AKT3: variants seen among roughly 807,000 people sequenced by gnomAD.
The protein encoded by AKT3 is AKT serine/threonine kinase 3, also known as RAC-gamma serine/threonine-protein kinase.
In AKT3, 15 loss-of-function variants were observed where a neutral mutation model predicts 65.3. The observed-to-expected ratio is 0.23, with a 90% CI of 0.15 to 0.35. The LOEUF is 0.35. AKT3 is among the 10% of genes least tolerant of loss of function. AKT3 has a pLI of 1.00. For synonymous variants in AKT3, 206 were observed against 183.8 expected, an observed-to-expected ratio of 1.12 and a Z score of -0.98; for missense variants, 243 against 576.5, an observed-to-expected ratio of 0.42 and a Z score of 5.92.
chr1:243,497,145 C>G (rs183594885), downstream of AKT3, among the ~76,000 whole-genome samples: 1 of 152,106 alleles, frequency 6.6e-6, no homozygotes, highest in East Asian at 1.9e-4. Context: ...AAATAAGCAT[C>G]GTGGATATCC....
intron 6 of AKT3, among the ~76,000 whole-genome samples, chr1:243,618,055 C>G (rs1678461404): frequency 6.6e-6 from 1 of 152,072 alleles, no homozygotes. Flanking sequence ...AAAAGATATT[C>G]TAGTGCTTTG....
intron 8 of AKT3, among the ~76,000 whole-genome samples, chr1:243,590,072 T>A (rs1027677591): frequency 6.6e-6 from 1 of 152,146 alleles, no homozygotes. Context: ...AGAATGATGG[T>A]TGCCAGGAGC....
chr1:243,778,961 T>G (rs953094175), intron 2 of AKT3, among the ~76,000 whole-genome samples: 2 of 152,070 alleles, frequency 1.3e-5, no homozygotes, highest in Non-Finnish European at 2.9e-5. Flanking sequence ...ATCCTACCAT[T>G]CTTTTTCGAC....
In AKT3 at chr1:243,583,199, C is replaced by T. The variant is rs993142403; in HGVS notation, c.697-10151G>A. ...ATATATATATATATATATATATACACACACACACACACACATATATCTTCC... is the reference window on the plus strand; with the variant it reads ...ATATATATATATATATATATATACATACACACACACACACATATATCTTCC... On this transcript the variant is annotated intron_variant, in intron 8 of 13. Coordinates refer to ENST00000673466, the MANE Select transcript of AKT3 (RefSeq NM_005465.7). Among the ~76,000 whole-genome samples, 680 of 129,878 alleles carry T rather than the reference C, an allele frequency of 5.2e-3. 2 individuals are homozygous for T. The highest frequency in any genetic ancestry group is 0.016 in the African/African-American group (500 of 30,996). The allele number at this position is 129,878 out of a possible 152,430, so 85.2% of individuals were successfully genotyped here.
chr1:243,612,944 C>T (rs1677981911), intron 8 of AKT3: 1 of 148,768 alleles, frequency 6.7e-6, no homozygotes, highest in Non-Finnish European at 1.5e-5. Flanking sequence ...GGGGCTGAGG[C>T]AGGAGAATCG....
chr1:243,664,157 A>T (rs1006425500), intron 4 of AKT3, among the ~76,000 whole-genome samples: 13 of 148,730 alleles, frequency 8.7e-5, no homozygotes, highest in South Asian at 2.1e-4. Context: ...ACAATTTTTT[A>T]AAAAAGGTAG....
intron 8 of AKT3, among the ~76,000 whole-genome samples, chr1:243,610,779 CAT>C (rs1176247960): frequency 6.6e-6 from 1 of 152,200 alleles, no homozygotes; most frequent in African/African-American, 2.4e-5. Context: ...CATATATACA[CAT>C]GTTTACGGTC....
intron 2 of AKT3, among the ~76,000 whole-genome samples, chr1:243,745,382 A>G (rs1466666707): frequency 6.6e-6 from 1 of 152,162 alleles, no homozygotes; most frequent in African/African-American, 2.4e-5. Context: ...TTTTAAGAAA[A>G]CGAGATATGA....
chr1:243,555,007 A>G (rs980909081), intron 10 of AKT3, among the ~76,000 whole-genome samples: 1 of 152,170 alleles, frequency 6.6e-6, no homozygotes, highest in Non-Finnish European at 1.5e-5. Flanking sequence ...ATTGTAAAAA[A>G]ATCTGTTTGA....
chr1:243,705,742 T>C (rs1572202570), intron 2 of AKT3, among the ~76,000 whole-genome samples: 1 of 152,204 alleles, frequency 6.6e-6, no homozygotes, highest in South Asian at 2.1e-4. Flanking sequence ...GCAGTAGGTA[T>C]GTTGTGGAGA....
Position 243,499,980 on chromosome 1 carries a change from A to C in AKT3, c.*5269T>G. 2 of 629,180 alleles carry C rather than the reference A, an allele frequency of 3.2e-6. No individual in the cohort carries two copies. Among genetic ancestry groups the C allele is most frequent in the East Asian group, 5.5e-5 (2 of 36,496 alleles). The allele number at this position is 629,180 out of a possible 1,614,324, so 39.0% of individuals were successfully genotyped here. A position where few individuals can be genotyped will look rare whatever the true frequency, so the allele number is the denominator to read the frequency against. ...TGGAGCTGGAGTCTGACTCTAGCTG[A>C]GCAGAGCTCCTGGTGTATGTTTTCA... On this transcript the variant is annotated 3_prime_UTR_variant, in exon 14 of 14. Coordinates refer to ENST00000673466, the MANE Select transcript of AKT3 (RefSeq NM_005465.7).
chr1:243,720,592 T>A (rs1304443276), intron 2 of AKT3, among the ~76,000 whole-genome samples: 2 of 152,106 alleles, frequency 1.3e-5, no homozygotes, highest in African/African-American at 2.4e-5. Context: ...GCCTGTCTGC[T>A]CTGGTCTAAA....
chr1:243,609,484 C>A (rs1374182005), intron 8 of AKT3, among the ~76,000 whole-genome samples: 1 of 151,934 alleles, frequency 6.6e-6, no homozygotes, highest in Non-Finnish European at 1.5e-5. Context: ...ATGGCCAAAC[C>A]CCGTTTCTAC....
At chr1:243,825,025 G>A (rs1284883384) in intron 2 of AKT3, among the ~76,000 whole-genome samples, 1 of 152,148 alleles carries the variant, frequency 6.6e-6, no homozygotes, top group East Asian at 1.9e-4. Flanking sequence ...ATGATAGACT[G>A]AATAAAGAAA....
chr1:243,562,000 G>T (rs909941141), intron 10 of AKT3, among the ~76,000 whole-genome samples: 17 of 152,076 alleles, frequency 1.1e-4, no homozygotes, highest in African/African-American at 4.1e-4. Context: ...CTGAAAATAG[G>T]CCATAAAAGG....
chr1:243,701,183 T>C (rs1685437688), intron 2 of AKT3, among the ~76,000 whole-genome samples: 1 of 152,194 alleles, frequency 6.6e-6, no homozygotes, highest in Non-Finnish European at 1.5e-5. Flanking sequence ...CAGTGATTGA[T>C]TAAAATGTGC....
At chr1:243,849,386 A>ACCCCCCCCCCCCCCCCCCCC (rs57424400) in intron 1 of AKT3, among the ~76,000 whole-genome samples, 16 of 107,046 alleles carry the variant, frequency 1.5e-4, no homozygotes, top group South Asian at 3.4e-4. Context: ...CCACACACAC[A>ACCCCCCCCCCCCCCCCCCCC]CCCCCCCCCC....
At chr1:243,509,531 C>T (rs897661018) in intron 13 of AKT3, among the ~76,000 whole-genome samples, 3 of 152,106 alleles carry the variant, frequency 2.0e-5, no homozygotes, top group African/African-American at 7.2e-5. Context: ...TCTAATTGAC[C>T]TTATTTGTAC....
At chr1:243,819,407 C>G (rs6681863) in intron 2 of AKT3, among the ~76,000 whole-genome samples, 34,802 of 152,154 alleles carry the variant, frequency 0.23, 4,355 homozygotes, top group East Asian at 0.32. Flanking sequence ...CAGGCCAGAT[C>G]CTGACCCATC....
Sources: gnomAD v4.1 joint callset for allele counts (sites outside exome capture counted in the v4.1 genomes callset) on GRCh38, gnomAD v4.1.1 for gene constraint, MANE v1.5 for transcripts, NCBI Gene and HGNC (gene_info 2026-07-23, HGNC 2026-07-21) for gene names.